Variants in LYPLAL1 observed in about 807,000 individuals in gnomAD.
The protein encoded by LYPLAL1 is lysophospholipase-like protein 1.
In LYPLAL1, 23 loss-of-function variants were observed where a neutral mutation model predicts 19.7. That is an observed-to-expected ratio of 1.17 (90% CI 0.84 to 1.65). The LOEUF is 1.65. Among genes scored for constraint, LYPLAL1 ranks in the 40% most tolerant of loss-of-function variants. The probability of loss-of-function intolerance (pLI) is 0.00; values close to 1 mark genes in which losing one functional copy is unlikely to be tolerated. For missense variants in LYPLAL1, 355 were observed against 279.4 expected (o/e 1.27, Z -1.93); for synonymous variants, 119 against 96.3 (o/e 1.24, Z -1.38).
the LYPLAL1 span, among the ~76,000 whole-genome samples, chr1:219,289,586 A>C: frequency 6.6e-6 from 1 of 152,178 alleles, no homozygotes; most frequent in Non-Finnish European, 1.5e-5. Flanking sequence ...GAGTGTGGGC[A>C]TGCAGAAAGA....
At chr1:219,398,973 T>C in the LYPLAL1 span, among the ~76,000 whole-genome samples, 1 of 152,188 alleles carries the variant, frequency 6.6e-6, no homozygotes, top group African/African-American at 2.4e-5. Context: ...CTCCAATGGA[T>C]GGTGTCAGCC....
the LYPLAL1 span, among the ~76,000 whole-genome samples, chr1:219,395,771 ATC>A: frequency 6.6e-6 from 1 of 152,036 alleles, no homozygotes; most frequent in Non-Finnish European, 1.5e-5. Flanking sequence ...TAAGTCCTTG[ATC>A]CATCTTGAGT....
chr1:219,431,552 G>A, the LYPLAL1 span, among the ~76,000 whole-genome samples: 1 of 152,198 alleles, frequency 6.6e-6, no homozygotes, highest in South Asian at 2.1e-4. Flanking sequence ...GTGTGGCTCT[G>A]CCACTGACAT....
At chr1:219,244,497 A>C in the LYPLAL1 span, among the ~76,000 whole-genome samples, 2 of 152,186 alleles carry the variant, frequency 1.3e-5, no homozygotes, top group Non-Finnish European at 2.9e-5. Context: ...AGGTGTCGGA[A>C]GCATCATCAG....
At chr1:219,372,704 A>G in the LYPLAL1 span, among the ~76,000 whole-genome samples, 1 of 152,132 alleles carries the variant, frequency 6.6e-6, no homozygotes, top group African/African-American at 2.4e-5. Flanking sequence ...ATTCAAGACT[A>G]ACCTGGGCAA....
chr1:219,198,757 C>T (rs1657821760), intron 3 of LYPLAL1: 1 of 152,016 alleles, frequency 6.6e-6, no homozygotes, highest in Non-Finnish European at 1.5e-5. Context: ...TACGTGAATG[C>T]ACAAAAGATG....
chr1:219,307,157 TG>T, the LYPLAL1 span, among the ~76,000 whole-genome samples: 1 of 152,256 alleles, frequency 6.6e-6, no homozygotes, highest in South Asian at 2.1e-4. Context: ...TGGAAGTATG[TG>T]GCAGAGAAAA....
chr1:219,240,758 T>G, the LYPLAL1 span, among the ~76,000 whole-genome samples: 1 of 152,168 alleles, frequency 6.6e-6, no homozygotes. Flanking sequence ...TTCCAAGAAC[T>G]AAGAAAATTG....
At chr1:219,277,681 C>T in the LYPLAL1 span, among the ~76,000 whole-genome samples, 1 of 152,266 alleles carries the variant, frequency 6.6e-6, no homozygotes, top group African/African-American at 2.4e-5. Flanking sequence ...ACTAAATGAC[C>T]CATGTTCAGA....
the LYPLAL1 span, among the ~76,000 whole-genome samples, chr1:219,316,853 G>A: frequency 6.6e-6 from 1 of 152,088 alleles, no homozygotes; most frequent in South Asian, 2.1e-4. Context: ...TCAAAATGTT[G>A]GAGACAGGAA....
chr1:219,415,774 C>T, the LYPLAL1 span, among the ~76,000 whole-genome samples: 1 of 152,196 alleles, frequency 6.6e-6, no homozygotes, highest in Non-Finnish European at 1.5e-5. Flanking sequence ...GCCATGTTCC[C>T]TCTGGAACTT....
chr1:219,410,867 C>A, the LYPLAL1 span, among the ~76,000 whole-genome samples: 5 of 152,368 alleles, frequency 3.3e-5, no homozygotes, highest in African/African-American at 1.2e-4. Flanking sequence ...GATTTCTCGC[C>A]GGGCCTTGGC....
chr1:219,285,197 A>G, the LYPLAL1 span, among the ~76,000 whole-genome samples: 1 of 152,234 alleles, frequency 6.6e-6, no homozygotes, highest in African/African-American at 2.4e-5. Flanking sequence ...TCGATAAAGC[A>G]CTTTTCTCAT....
the LYPLAL1 span, chr1:219,409,836 C>T: frequency 6.6e-6 from 1 of 152,212 alleles, no homozygotes; most frequent in Non-Finnish European, 1.5e-5. Flanking sequence ...GAACTAACAA[C>T]AGGGGAGTCT....
chr1:219,199,563 C>T (rs1476336734), intron 3 of LYPLAL1, among the ~76,000 whole-genome samples: 1 of 151,808 alleles, frequency 6.6e-6, no homozygotes, highest in Non-Finnish European at 1.5e-5. Context: ...CTGTCTCAGC[C>T]TCCCAAGTAG....
chr1:219,217,318 C>CT (rs1553304589), downstream of LYPLAL1, among the ~76,000 whole-genome samples: 1 of 150,502 alleles, frequency 6.6e-6, no homozygotes, highest in East Asian at 2.0e-4. Context: ...TTCTGTAAGT[C>CT]TTTAACAAAA....
the LYPLAL1 span, among the ~76,000 whole-genome samples, chr1:219,403,051 A>G: frequency 6.6e-6 from 1 of 152,208 alleles, no homozygotes; most frequent in African/African-American, 2.4e-5. Context: ...GGGTCATGCA[A>G]AGTAGAGAGA....
chr1:219,225,827 T>TA, the LYPLAL1 span, among the ~76,000 whole-genome samples: 1 of 152,198 alleles, frequency 6.6e-6, no homozygotes, highest in Non-Finnish European at 1.5e-5. Context: ...TCTCCCATGT[T>TA]ACAGTGCATA....
chr1:219,377,722 T>G, the LYPLAL1 span, among the ~76,000 whole-genome samples: 1 of 152,144 alleles, frequency 6.6e-6, no homozygotes, highest in Non-Finnish European at 1.5e-5. Context: ...AAGTAATAAT[T>G]TTTCTTTTTA....
Sources: gnomAD v4.1 joint callset for allele counts (sites outside exome capture counted in the v4.1 genomes callset) on GRCh38, gnomAD v4.1.1 for gene constraint, MANE v1.5 for transcripts, NCBI Gene and HGNC (gene_info 2026-07-23, HGNC 2026-07-21) for gene names.